Variants in FGFR1 observed in about 807,000 individuals in gnomAD.
FGFR1 encodes the protein fibroblast growth factor receptor 1, also known as FGFR1/PLAG1 fusion.
In FGFR1, 18 loss-of-function variants were observed where a neutral mutation model predicts 93.7. The observed-to-expected ratio is 0.19, with a 90% CI of 0.13 to 0.28. The LOEUF (loss-of-function observed/expected upper bound fraction) is 0.28. FGFR1 is among the 10% of genes least tolerant of loss of function. FGFR1 has a pLI of 1.00. For missense variants in FGFR1, 731 were observed against 1,080.4 expected, an observed-to-expected ratio of 0.68 and a Z score of 4.53; for synonymous variants, 448 against 429.3, an observed-to-expected ratio of 1.04 and a Z score of -0.54.
Position 38,419,707 on chromosome 8 carries a change from G to C in FGFR1, c.1110C>G (p.Thr370=), listed in dbSNP as rs766433278. 1 of 1,614,144 alleles carries C rather than the reference G, an allele frequency of 6.2e-7. No individual in the cohort carries two copies. Among genetic ancestry groups the C allele is most frequent in the Non-Finnish European group, 8.5e-7 (1 of 1,180,020 alleles). The stretch of plus-strand genomic sequence containing the variant: ...TGATGATCTCCAGGTACAGGGGCGA[G>C]GTCATCACTGCCGGCCTCTCTTCCA... ...EALEERPAVM[T]SPLYLEIIIY... is the part of the protein sequence containing the mutation. The change falls in exon 9 of 18, where the codon ACC becomes ACG. Residue 370 remains threonine, a synonymous_variant. Transcript: ENST00000447712.
At chr8:38,423,662 TA>T (rs1209840278) in intron 7 of FGFR1, 2,277 of 115,054 alleles carry the variant, frequency 0.02, 33 homozygotes, top group African/African-American at 0.057. Context: ...AGCATTTGAT[TA>T]AAAAAAAAAA....
chr8:38,415,491 G>A (rs1481049222), intron 13 of FGFR1, among the ~76,000 whole-genome samples: 2 of 150,342 alleles, frequency 1.3e-5, no homozygotes, highest in Non-Finnish European at 3.0e-5. Flanking sequence ...TTTTAAAGAC[G>A]GGGTTTCAAT....
chr8:38,440,354 C>G (rs1192567822), intron 2 of FGFR1: 1 of 1,601,502 alleles, frequency 6.2e-7, no homozygotes, highest in Admixed American at 1.7e-5. Context: ...TCACCGAAAT[C>G]CCGGGTCACA....
At chr8:38,463,324 C>T (rs917258852) in intron 1 of FGFR1, 2 of 184,034 alleles carry the variant, frequency 1.1e-5, no homozygotes, top group Admixed American at 6.2e-5. Context: ...TTTCTCTGAA[C>T]CCCACCTTAA....
At chr8:38,448,478 C>G (rs898355544) in intron 2 of FGFR1, among the ~76,000 whole-genome samples, 1 of 152,254 alleles carries the variant, frequency 6.6e-6, no homozygotes, top group Admixed American at 6.5e-5. Context: ...CAGGGTTTCG[C>G]CAGGCTGGCC....
At position 38,413,087 on chromosome 8, in the gene FGFR1, A is replaced by G; in HGVS notation, c.*541T>C. 1 of 238,706 alleles carries G rather than the reference A, an allele frequency of 4.2e-6. No individual in the cohort carries two copies. Among genetic ancestry groups the G allele is most frequent in the Non-Finnish European group, 8.2e-6 (1 of 121,278 alleles). 14.8% of individuals were successfully genotyped at this position (238,706 alleles called of 1,614,324 possible). On this transcript the variant is annotated 3_prime_UTR_variant, in exon 18 of 18. Coordinates refer to ENST00000447712, the MANE Select transcript of FGFR1 (RefSeq NM_023110.3). This position sits in a 1 kb window ranked among gnomAD's most constrained non-coding sequence, Gnocchi z 4.2. ...CTTCGCCTCACCATCCTCTGGTACCAGGCATTTGGTCAGCAAAGCAAACTA... is the reference window on the plus strand; with the variant it reads ...CTTCGCCTCACCATCCTCTGGTACCGGGCATTTGGTCAGCAAAGCAAACTA...
chr8:38,465,574 G>C (rs1026500731), intron 1 of FGFR1: 15 of 227,526 alleles, frequency 6.6e-5, no homozygotes, highest in Non-Finnish European at 1.1e-4. Context: ...TAACCCACTG[G>C]GGGTAGGATA....
chr8:38,440,166 A>G (rs1235188451), intron 2 of FGFR1: 1 of 696,446 alleles, frequency 1.4e-6, no homozygotes, highest in Non-Finnish European at 2.6e-6. Flanking sequence ...TGAGGGGGCA[A>G]TTGTGGGTGG....
At chr8:38,425,075 C>T (rs962988948) in intron 6 of FGFR1, among the ~76,000 whole-genome samples, 8 of 152,164 alleles carry the variant, frequency 5.3e-5, no homozygotes, top group Non-Finnish European at 1.0e-4. Context: ...CCAGCATCCC[C>T]TAGGAGCTTG....
intron 2 of FGFR1, among the ~76,000 whole-genome samples, chr8:38,442,283 T>G (rs542787601): frequency 6.6e-6 from 1 of 152,026 alleles, no homozygotes; most frequent in South Asian, 2.1e-4. Context: ...AATCACATCC[T>G]AAACTCAAAG....
chr8:38,426,063 T>C lies in FGFR1; in HGVS notation c.745+59A>G, dbSNP rs1820653755. On this transcript the variant is annotated intron_variant, in intron 6 of 17. Coordinates refer to ENST00000447712, the MANE Select transcript of FGFR1 (RefSeq NM_023110.3). This position sits in a 1 kb window ranked among gnomAD's most constrained non-coding sequence, Gnocchi z 4.1. ...AAGAAACCTGGACACCCCGGCTGTG[T>C]TCTCCAAGCCTGGCTCTTCCCACTA... The C allele has an allele frequency of 6.2e-7, 1 of 1,612,232 alleles. No individual in the cohort carries two copies. The highest frequency in any genetic ancestry group is 1.3e-5 in the African/African-American group (1 of 75,006).
At chr8:38,433,568 T>C (rs991761817) in intron 2 of FGFR1, among the ~76,000 whole-genome samples, 5 of 152,188 alleles carry the variant, frequency 3.3e-5, no homozygotes, top group African/African-American at 1.2e-4. Context: ...CCTCGGTCCT[T>C]GCATCTTCAG....
At chr8:38,454,395 C>T (rs573243276) in intron 2 of FGFR1, among the ~76,000 whole-genome samples, 1 of 152,358 alleles carries the variant, frequency 6.6e-6, no homozygotes, top group South Asian at 2.1e-4. Flanking sequence ...ACTCCTTTAT[C>T]GCTGTCTACA....
chr8:38,428,397 C>G lies in FGFR1; in HGVS notation c.397G>C (p.Asp133His), dbSNP rs1248111718. The change falls in exon 4 of 18, where the codon GAC becomes CAC. Residue 133 changes from aspartate to histidine, a missense_variant. By Grantham distance (81) the Asp-to-His change is moderately conservative. Coordinates refer to ENST00000447712, the MANE Select transcript of FGFR1 (RefSeq NM_023110.3). Reference sequence around the variant, plus strand: ...GTTTCTTTCTCCTCTGAAGAGGAGTCATCATCATCATCATCATCCTCCGAG... The same window carrying G: ...GTTTCTTTCTCCTCTGAAGAGGAGTGATCATCATCATCATCATCCTCCGAG... The part of the protein sequence containing the change: ...PSSEDDDDDD[D>H]SSSEEKETDN... 1 of 1,590,532 alleles carries G rather than the reference C, an allele frequency of 6.3e-7. No homozygotes were observed. The highest frequency in any genetic ancestry group is 1.3e-5 in the African/African-American group (1 of 74,432).
At chr8:38,462,700 C>T (rs1834678167) in intron 1 of FGFR1, among the ~76,000 whole-genome samples, 1 of 151,690 alleles carries the variant, frequency 6.6e-6, no homozygotes, top group Non-Finnish European at 1.5e-5. Flanking sequence ...ACCACCGCCT[C>T]CCGGGTTCAA....
chr8:38,444,051 C>CAAAAAAAAAAAA (rs746296068), intron 2 of FGFR1, among the ~76,000 whole-genome samples: 5 of 74,348 alleles, frequency 6.7e-5, no homozygotes, highest in African/African-American at 2.5e-4. Flanking sequence ...GAAACTGTCT[C>CAAAAAAAAAAAA]AAAAAAAAAA....
chr8:38,416,115 T>C, intron 12 of FGFR1, 55 bp from the exon 13 acceptor site: 1 of 1,524,396 alleles, frequency 6.6e-7, no homozygotes, highest in South Asian at 1.2e-5. Flanking sequence ...CAGGTTTGGC[T>C]TCACCTCAAA....
intron 2 of FGFR1, among the ~76,000 whole-genome samples, chr8:38,438,394 T>G (rs867564888): frequency 3.9e-5 from 6 of 151,966 alleles, no homozygotes; most frequent in South Asian, 2.1e-4. Flanking sequence ...ATACAAAAAA[T>G]TAGCCAGGCG....
chr8:38,452,031 G>C (rs1287156667), intron 2 of FGFR1, among the ~76,000 whole-genome samples: 1 of 152,144 alleles, frequency 6.6e-6, no homozygotes, highest in African/African-American at 2.4e-5. Context: ...AGGGGAAGGA[G>C]AGGGAGAGGG....
Sources: gnomAD v4.1 joint callset for allele counts (sites outside exome capture counted in the v4.1 genomes callset) on GRCh38, gnomAD v4.1.1 for gene constraint, Gnocchi (gnomAD v3.1) non-coding constraint, MANE v1.5 for transcripts, NCBI Gene and HGNC (gene_info 2026-07-23, HGNC 2026-07-21) for gene names.